RGS5: variants seen among roughly 807,000 people sequenced by gnomAD.
RGS5 encodes the protein regulator of G protein signaling 5.
Under a neutral mutation model 18.9 loss-of-function variants are expected in RGS5, and 20 were observed. That is an observed-to-expected ratio of 1.06 (90% CI 0.74 to 1.54). The LOEUF is 1.54. RGS5 is among the 40% of genes most tolerant of loss of function. The pLI is 0.00. For missense variants in RGS5, 201 were observed against 211.8 expected (o/e 0.95, Z 0.32); for synonymous variants, 57 against 76.2 (o/e 0.75, Z 1.31).
chr1:163,172,684 G>C (rs761281867), intron 1 of RGS5: 39 of 1,383,570 alleles, frequency 2.8e-5, no homozygotes, highest in Non-Finnish European at 3.4e-5. Context: ...CTCAAGTATA[G>C]AGCATTATAA....
At chr1:163,190,321 G>T (rs1326858519) in intron 1 of RGS5, among the ~76,000 whole-genome samples, 9 of 152,114 alleles carry the variant, frequency 5.9e-5, no homozygotes, top group African/African-American at 2.2e-4. Flanking sequence ...TTATTAGCTT[G>T]CTATTGGACA....
At chr1:163,207,263 T>A (rs1457900237), upstream of RGS5, among the ~76,000 whole-genome samples, 1 of 152,238 alleles carries the variant, frequency 6.6e-6, no homozygotes, top group Non-Finnish European at 1.5e-5. Flanking sequence ...TAATTGAATT[T>A]CTTTATAGAC....
At chr1:163,187,470 C>T (rs529710068) in intron 1 of RGS5, among the ~76,000 whole-genome samples, 1 of 152,278 alleles carries the variant, frequency 6.6e-6, no homozygotes, top group African/African-American at 2.4e-5. Flanking sequence ...TCTTTCCAGC[C>T]TTCCTTTCAC....
At chr1:163,295,015 C>A (rs1004167503) in intron 2 of RGS5, among the ~76,000 whole-genome samples, 1 of 152,196 alleles carries the variant, frequency 6.6e-6, no homozygotes, top group Non-Finnish European at 1.5e-5. Context: ...CCACCTCAGC[C>A]TGGACTTTAC....
chr1:163,317,829 C>T (rs1423561602), intron 1 of RGS5, among the ~76,000 whole-genome samples: 3 of 151,866 alleles, frequency 2.0e-5, no homozygotes, highest in East Asian at 1.9e-4. Context: ...AAGCATGGAG[C>T]CAATAAGACT....
At chr1:163,280,323 A>G (rs1648959809) in intron 2 of RGS5, among the ~76,000 whole-genome samples, 1 of 152,104 alleles carries the variant, frequency 6.6e-6, no homozygotes, top group South Asian at 2.1e-4. Flanking sequence ...GGCCAAGTGG[A>G]ATTTATCCCA....
In RGS5 at chr1:163,143,593, G is replaced by C. The variant is rs138471500; in HGVS notation, c.*3749C>G. On this transcript the variant is annotated 3_prime_UTR_variant, in exon 5 of 5. Transcript: ENST00000313961. ...GCTGCTCTTAAATATTTGTAGCAAA[G>C]GGATTACGTTCATAGGTCTGAGCAC... is the stretch of plus-strand genomic sequence containing the variant. 1 of 152,256 alleles carries C rather than the reference G, an allele frequency of 6.6e-6. No individual in the cohort carries two copies. The highest frequency in any genetic ancestry group is 1.5e-5 in the Non-Finnish European group (1 of 68,018). 9.4% of individuals were successfully genotyped at this position (152,256 alleles called of 1,614,324 possible). A position where few individuals can be genotyped will look rare whatever the true frequency, so the allele number is the denominator to read the frequency against.
chr1:163,173,105 C>G (rs1343398342), intron 1 of RGS5, among the ~76,000 whole-genome samples: 1 of 152,176 alleles, frequency 6.6e-6, no homozygotes, highest in Non-Finnish European at 1.5e-5. Flanking sequence ...AGATAATTTT[C>G]TAATTTGTTT....
At chr1:163,234,304 AGAT>A (rs1647563930) in intron 2 of RGS5, among the ~76,000 whole-genome samples, 1 of 152,158 alleles carries the variant, frequency 6.6e-6, no homozygotes, top group African/African-American at 2.4e-5. Flanking sequence ...ACATCTATTG[AGAT>A]GATAATATTT....
intron 1 of RGS5, among the ~76,000 whole-genome samples, chr1:163,177,205 C>A (rs1658595262): frequency 6.6e-6 from 1 of 152,198 alleles, no homozygotes; most frequent in African/African-American, 2.4e-5. Context: ...GTAATTCACT[C>A]TTAACCCTTA....
intron 2 of RGS5, among the ~76,000 whole-genome samples, chr1:163,270,032 T>C (rs1463114508): frequency 6.6e-6 from 1 of 152,214 alleles, no homozygotes; most frequent in Non-Finnish European, 1.5e-5. Flanking sequence ...TAAGTCTCAC[T>C]GTCACTCAGG....
At chr1:163,219,676 G>A (rs1344044527), upstream of RGS5, among the ~76,000 whole-genome samples, 1 of 152,040 alleles carries the variant, frequency 6.6e-6, no homozygotes, top group Admixed American at 6.6e-5. Flanking sequence ...TATAATACAT[G>A]CTATAGATAT....
At chr1:163,259,581 ACATCAGTACAG>A (rs1648375339) in intron 2 of RGS5, among the ~76,000 whole-genome samples, 2 of 152,182 alleles carry the variant, frequency 1.3e-5, no homozygotes, top group South Asian at 4.1e-4. Flanking sequence ...TGTTGAAAGA[ACATCAGTACAG>A]CTGGAGACAG....
intron 3 of RGS5, among the ~76,000 whole-genome samples, chr1:163,155,140 A>G (rs1002669317): frequency 5.3e-5 from 8 of 152,100 alleles, no homozygotes; most frequent in African/African-American, 1.9e-4. Context: ...AATTCCACAG[A>G]ATAAGTCTGT....
In RGS5 at chr1:163,144,913, A is replaced by G. The variant is rs986493919; in HGVS notation, c.*2429T>C. ...TCTTTTTAATTTTTTTACTTCATTT[A>G]TTAGAAGAGTTTCTAATATGTGTAG... On this transcript the variant is annotated 3_prime_UTR_variant, in exon 5 of 5. Coordinates refer to ENST00000313961, the MANE Select transcript of RGS5 (RefSeq NM_003617.4). 1.3e-5 allele frequency: 2 copies of G among 152,196 alleles called. No individual in the cohort carries two copies. Among genetic ancestry groups the G allele is most frequent in the African/African-American group, 4.8e-5 (2 of 41,402 alleles). The allele number at this position is 152,196 out of a possible 1,614,324, so 9.4% of individuals were successfully genotyped here. A position where few individuals can be genotyped will look rare whatever the true frequency, so the allele number is the denominator to read the frequency against.
intron 1 of RGS5, among the ~76,000 whole-genome samples, chr1:163,310,209 C>G (rs907542380): frequency 6.6e-6 from 1 of 152,140 alleles, no homozygotes; most frequent in African/African-American, 2.4e-5. Context: ...CTTAAAGTCA[C>G]CAGTTGCATT....
chr1:163,226,464 A>G (rs1557911816), intron 2 of RGS5, among the ~76,000 whole-genome samples: 1 of 152,150 alleles, frequency 6.6e-6, no homozygotes, highest in African/African-American at 2.4e-5. Flanking sequence ...ACCTTTGAGG[A>G]GGAAGCACTG....
chr1:163,156,568 G>C (rs1657589199), intron 3 of RGS5, among the ~76,000 whole-genome samples: 2 of 152,012 alleles, frequency 1.3e-5, no homozygotes, highest in African/African-American at 4.8e-5. Flanking sequence ...TTAATTCTTT[G>C]AGTATGTTTC....
chr1:163,161,848 C>T, intron 3 of RGS5, 67 bp downstream of exon 3: 1 of 1,234,738 alleles, frequency 8.1e-7, no homozygotes, highest in Non-Finnish European at 1.2e-6. Flanking sequence ...ACAGGTAATA[C>T]AAAGATGTTT....
Sources: gnomAD v4.1 joint callset for allele counts (sites outside exome capture counted in the v4.1 genomes callset) on GRCh38, gnomAD v4.1.1 for gene constraint, MANE v1.5 for transcripts, NCBI Gene and HGNC (gene_info 2026-07-23, HGNC 2026-07-21) for gene names.